Variants in EYS observed in about 807,000 individuals in gnomAD.
The protein encoded by EYS is EGF-like photoreceptor maintenance factor.
EYS carries 250 observed loss-of-function variants against 282.1 expected under a neutral mutation model. That is an observed-to-expected ratio of 0.89 (90% CI 0.80 to 0.98). The LOEUF (loss-of-function observed/expected upper bound fraction) is 0.98, where lower values mean the gene tolerates loss of function less well. Among genes scored for constraint, EYS ranks in the 50% least tolerant of loss-of-function variants. EYS has a pLI of 0.00. For missense variants in EYS, 4,016 were observed against 3,709.0 expected (o/e 1.08, Z -2.15); for synonymous variants, 1,355 against 1,282.9 (o/e 1.06, Z -1.20).
At chr6:65,262,456 T>C (rs9445492) in intron 12 of EYS, among the ~76,000 whole-genome samples, 48,279 of 151,876 alleles carry the variant, frequency 0.32, 8,551 homozygotes, top group African/African-American at 0.47. Flanking sequence ...CTCATTCACT[T>C]AGAAAATGAC....
chr6:65,517,925 G>T (rs578112419), intron 2 of EYS, among the ~76,000 whole-genome samples: 46 of 151,970 alleles, frequency 3.0e-4, no homozygotes, highest in Non-Finnish European at 6.2e-4. Context: ...AGTGGTTCCT[G>T]CACTCAACAA....
At chr6:64,849,850 A>T (rs1419206807) in intron 19 of EYS, among the ~76,000 whole-genome samples, 1 of 151,796 alleles carries the variant, frequency 6.6e-6, no homozygotes, top group Non-Finnish European at 1.5e-5. Flanking sequence ...CACCAGCTGG[A>T]CAAAATTTTC....
intron 15 of EYS, among the ~76,000 whole-genome samples, chr6:64,930,275 T>C (rs1266538820): frequency 6.6e-6 from 1 of 152,094 alleles, no homozygotes; most frequent in Non-Finnish European, 1.5e-5. Flanking sequence ...AGTGTAGCTA[T>C]ACCATAAGAG....
At chr6:65,565,059 A>C (rs1218707055) in intron 2 of EYS, among the ~76,000 whole-genome samples, 1 of 53,586 alleles carries the variant, frequency 1.9e-5, no homozygotes, top group Non-Finnish European at 2.9e-5. Flanking sequence ...TCCCAGCTAA[A>C]ACGGTGAAAC....
At chr6:64,002,976 T>C (rs1038316) in intron 33 of EYS, among the ~76,000 whole-genome samples, 57,923 of 152,120 alleles carry the variant, frequency 0.38, 11,537 homozygotes, top group African/African-American at 0.5. Context: ...AATTTTCCAA[T>C]ATTTTTCTGT....
chr6:63,954,600 A>G (rs1765734164), intron 35 of EYS, among the ~76,000 whole-genome samples: 2 of 152,214 alleles, frequency 1.3e-5, no homozygotes, highest in Admixed American at 1.3e-4. Flanking sequence ...AAAAGGCATC[A>G]GATGCCATCA....
At chr6:64,669,554 T>C (rs1175368920) in intron 22 of EYS, among the ~76,000 whole-genome samples, 1 of 152,184 alleles carries the variant, frequency 6.6e-6, no homozygotes, top group Non-Finnish European at 1.5e-5. Context: ...ATGAAATGAA[T>C]TTTCTGTAAT....
intron 26 of EYS, among the ~76,000 whole-genome samples, chr6:64,453,120 T>G (rs542556400): frequency 6.6e-6 from 1 of 152,278 alleles, no homozygotes; most frequent in African/African-American, 2.4e-5. Flanking sequence ...GACAAAGGGC[T>G]AATATCCAGA....
At position 64,230,809 on chromosome 6, in the gene EYS, C is replaced by A; in HGVS notation, c.6207G>T (p.Met2069Ile). ...HINNCRSQGF[M>I]LSPTASFVDA... ...CAACAAAGGAGGCTGTTGGAGACAG[C>A]ATAAATCCCTGGGATCTGTGATTTA... Residue 2069 changes from methionine (M) to isoleucine (I), a missense_variant, in exon 31 of 43, where the codon ATG becomes ATT. By Grantham distance (10) the Met-to-Ile change is conservative (BLOSUM62 1). Coordinates refer to ENST00000503581, the MANE Select transcript of EYS (RefSeq NM_001142800.2). 1 of 1,542,912 alleles carries A rather than the reference C, an allele frequency of 6.5e-7. No homozygotes were observed. The highest frequency in any genetic ancestry group is 8.8e-7 in the Non-Finnish European group (1 of 1,140,138).
In EYS at chr6:64,902,148, G is replaced by T. The variant is rs1466666397; in HGVS notation, c.2811C>A (p.Cys937Ter). 1.9e-6 allele frequency: 3 copies of T among 1,548,274 alleles called. No individual in the cohort carries two copies. The highest frequency in any genetic ancestry group is 4.0e-5 in the Admixed American group (2 of 50,496). ...GATCCACACATGTTCCATTATTTTT[G>T]CAAGGTTCAGAGGAACATTCATTAA... The part of the protein sequence containing the change: ...IEINECSSEP[C>*]KNNGTCVDLT... The change falls in exon 18 of 43, where the codon TGC becomes TGA. Residue 937 changes from cysteine (C) to a stop codon, truncating the protein, a stop_gained. Coordinates refer to ENST00000503581, the MANE Select transcript of EYS (RefSeq NM_001142800.2). LOFTEE classifies it high-confidence loss of function.
At chr6:63,938,691 G>T (rs1040344925) in intron 35 of EYS, among the ~76,000 whole-genome samples, 1 of 152,188 alleles carries the variant, frequency 6.6e-6, no homozygotes, top group African/African-American at 2.4e-5. Flanking sequence ...AACATCTGCA[G>T]CACTTGCAGG....
At chr6:64,927,352 G>T (rs935883396) in intron 15 of EYS, among the ~76,000 whole-genome samples, 1 of 152,010 alleles carries the variant, frequency 6.6e-6, no homozygotes, top group Non-Finnish European at 1.5e-5. Flanking sequence ...TGAGAAGAAA[G>T]CCCTCTACAA....
intron 30 of EYS, among the ~76,000 whole-genome samples, chr6:64,259,911 G>T (rs534796667): frequency 1.2e-4 from 18 of 151,972 alleles, no homozygotes; most frequent in Non-Finnish European, 2.1e-4. Context: ...TCTGCCTAAG[G>T]TGCCTGTGGA....
intron 5 of EYS, 86 bp downstream of exon 5, chr6:65,490,508 A>C (rs1184318740): frequency 1.3e-6 from 1 of 793,926 alleles, no homozygotes; most frequent in Non-Finnish European, 2.2e-6. Context: ...TTCAATAATA[A>C]AGGAAATATT....
chr6:64,919,322 A>T (rs1768264136), intron 15 of EYS, among the ~76,000 whole-genome samples: 1 of 151,896 alleles, frequency 6.6e-6, no homozygotes, highest in Non-Finnish European at 1.5e-5. Flanking sequence ...CAGCCCTGCC[A>T]TCGCACCCGG....
intron 22 of EYS, among the ~76,000 whole-genome samples, chr6:64,717,934 C>T (rs1166424399): frequency 1.3e-5 from 2 of 152,160 alleles, no homozygotes; most frequent in African/African-American, 4.8e-5. Context: ...CTCTTTTTCA[C>T]ATTTTCTTTG....
chr6:65,016,577 C>T (rs563148377), intron 13 of EYS, among the ~76,000 whole-genome samples: 29 of 152,250 alleles, frequency 1.9e-4, no homozygotes, highest in African/African-American at 6.7e-4. Context: ...GTGCAAGAGG[C>T]ATCATGTAGG....
intron 12 of EYS, among the ~76,000 whole-genome samples, chr6:65,151,313 T>C (rs940283295): frequency 2.0e-5 from 3 of 152,010 alleles, no homozygotes; most frequent in Non-Finnish European, 4.4e-5. Flanking sequence ...TTTTAGGGTC[T>C]TCATCTGTAG....
chr6:65,338,235 C>A (rs1770063064), intron 10 of EYS, among the ~76,000 whole-genome samples: 1 of 149,972 alleles, frequency 6.7e-6, no homozygotes, highest in Non-Finnish European at 1.5e-5. Flanking sequence ...CTCATCTGTT[C>A]AGGTAGTCTA....
Sources: allele counts gnomAD v4.1 joint callset (sites outside exome capture counted in the v4.1 genomes callset), GRCh38; gene constraint gnomAD v4.1.1; transcripts MANE v1.5; gene names NCBI Gene and HGNC (gene_info 2026-07-23, HGNC 2026-07-21).